The following PCDHA2 variants were observed in gnomAD, a reference collection of about 807,000 sequenced individuals.
PCDHA2 encodes the protein protocadherin alpha-2.
A neutral mutation model predicts 66.0 loss-of-function variants in PCDHA2; 58 were observed. The observed-to-expected ratio is 0.88, with a 90% CI of 0.71 to 1.09. The LOEUF (loss-of-function observed/expected upper bound fraction) is 1.09, where lower values mean the gene tolerates loss of function less well. Among genes scored for constraint, PCDHA2 ranks in the 50% least tolerant of loss-of-function variants. The pLI is 0.00. For missense variants in PCDHA2, 1,267 were observed against 1,242.3 expected, an observed-to-expected ratio of 1.02 and a Z score of -0.30; for synonymous variants, 634 against 554.0, an observed-to-expected ratio of 1.14 and a Z score of -2.03.
chr5:140,889,034 T>A (rs1554183750), intron 1 of PCDHA2, among the ~76,000 whole-genome samples: 4 of 152,080 alleles, frequency 2.6e-5, no homozygotes, highest in Non-Finnish European at 5.9e-5. Flanking sequence ...TAACCGTAAT[T>A]TGATTATAAT....
At chr5:140,836,216 G>A in intron 1 of PCDHA2, 1 of 1,613,840 alleles carries the variant, frequency 6.2e-7, no homozygotes, top group Non-Finnish European at 8.5e-7. Flanking sequence ...CGTATGAGTT[G>A]CAACCGGTGG....
Position 140,828,616 on chromosome 5 carries a change from C to A in PCDHA2, c.2388+31264C>A, listed in dbSNP as rs2150157391. 16 of 1,614,024 alleles carry A rather than the reference C, an allele frequency of 9.9e-6. No homozygotes were observed. The African/African-American group carries it at 1.3e-4, about 13-fold the overall frequency. ...TCTTAACCTATAAACTCAGTTCTAG[C>A]GAATACTTCGGGCTAGATGTGAAAA... is the stretch of plus-strand genomic sequence containing the variant. On this transcript the variant is annotated intron_variant, in intron 1 of 3. Transcript: ENST00000526136.
intron 1 of PCDHA2, chr5:140,822,039 G>C (rs2150113101): frequency 1.2e-6 from 2 of 1,614,106 alleles, no homozygotes; most frequent in African/African-American, 2.7e-5. Flanking sequence ...TGAATTCTCG[G>C]ATCGACCGGG....
At position 140,857,876 on chromosome 5, in the gene PCDHA2, T is replaced by C. The variant is rs2044975773; in HGVS notation, c.2388+60524T>C. ...ATACAACGCGTGGCTGTCGTATGAATTGCAGTCGGCGGCGGTTGGTGCACG... is the reference window on the plus strand; with the variant it reads ...ATACAACGCGTGGCTGTCGTATGAACTGCAGTCGGCGGCGGTTGGTGCACG... On this transcript the variant is annotated intron_variant, in intron 1 of 3. Coordinates refer to ENST00000526136, the MANE Select transcript of PCDHA2 (RefSeq NM_018905.3). 3.1e-6 allele frequency: 5 copies of C among 1,597,774 alleles called. 1 individual carries two copies. Among genetic ancestry groups the C allele is most frequent in the East Asian group, 2.2e-5 (1 of 44,820 alleles).
intron 1 of PCDHA2, chr5:140,857,535 G>A (rs1413308998): frequency 1.9e-6 from 3 of 1,597,418 alleles, no homozygotes; most frequent in Non-Finnish European, 2.6e-6. Flanking sequence ...CTGGTGGAGC[G>A]GCGGTTGGGC....
intron 1 of PCDHA2, among the ~76,000 whole-genome samples, chr5:140,941,026 C>T (rs1330663914): frequency 6.6e-6 from 1 of 152,066 alleles, no homozygotes; most frequent in Admixed American, 6.5e-5. Flanking sequence ...TTCCTTCTGG[C>T]CTTTTTGGTG....
At chr5:140,877,627 A>G (rs782765998) in intron 1 of PCDHA2, 3 of 1,613,732 alleles carry the variant, frequency 1.9e-6, no homozygotes, top group Admixed American at 3.3e-5. Context: ...GCTGCTGTAC[A>G]CTGCGCTGCG....
At chr5:141,005,490 TC>T (rs1451220963) in intron 3 of PCDHA2, among the ~76,000 whole-genome samples, 1 of 151,242 alleles carries the variant, frequency 6.6e-6, no homozygotes. Flanking sequence ...GATCATGAGG[TC>T]AGGAGATCGA....
At chr5:140,883,040 G>A (rs994931084) in intron 1 of PCDHA2, 1 of 1,614,062 alleles carries the variant, frequency 6.2e-7, no homozygotes, top group Non-Finnish European at 8.5e-7. Flanking sequence ...CGCCTTCAAT[G>A]GAACATTAGT....
chr5:140,927,418 C>T (rs1296760547), intron 1 of PCDHA2: 3 of 1,614,106 alleles, frequency 1.9e-6, no homozygotes, highest in Admixed American at 1.7e-5. Flanking sequence ...CATGGGATCG[C>T]GGGTTGACGG....
intron 1 of PCDHA2, among the ~76,000 whole-genome samples, chr5:140,974,134 C>T (rs1212348196): frequency 1.3e-5 from 2 of 152,290 alleles, no homozygotes; most frequent in East Asian, 1.9e-4. Flanking sequence ...AATCTGCTAA[C>T]CTGAAAACTA....
At chr5:140,871,293 G>T (rs1206433527) in intron 1 of PCDHA2, 5 of 1,613,794 alleles carry the variant, frequency 3.1e-6, no homozygotes, top group Admixed American at 1.7e-5. Flanking sequence ...CTGAGGGCGC[G>T]TGCGCGCCGG....
chr5:140,972,505 T>C (rs2096539361), intron 1 of PCDHA2, among the ~76,000 whole-genome samples: 1 of 152,100 alleles, frequency 6.6e-6, no homozygotes, highest in African/African-American at 2.4e-5. Flanking sequence ...GTTGGTAGAT[T>C]TTACCCCCAG....
intron 1 of PCDHA2, among the ~76,000 whole-genome samples, chr5:140,912,343 ATTTTT>A (rs35252606): frequency 7.0e-6 from 1 of 143,858 alleles, no homozygotes; most frequent in Non-Finnish European, 1.5e-5. Context: ...TACACTAAGT[ATTTTT>A]TTTTTTTTTT....
rs138450064 is a variant in PCDHA2, at chr5:140,818,961, A to G, written c.2388+21609A>G. Among the ~76,000 whole-genome samples, 26 of 152,350 alleles carry G rather than the reference A, an allele frequency of 1.7e-4. No individual in the cohort carries two copies. In the East Asian group the frequency reaches 4.6e-3, roughly 27 times the overall value. Reference sequence around the variant, plus strand: ...CATGAACATTGATATTCACTATCTCAGGGATATGTTAGAACTATTCTCATA... The same window carrying G: ...CATGAACATTGATATTCACTATCTCGGGGATATGTTAGAACTATTCTCATA... On this transcript the variant is annotated intron_variant, in intron 1 of 3. Coordinates refer to ENST00000526136, the MANE Select transcript of PCDHA2 (RefSeq NM_018905.3).
In PCDHA2 at chr5:140,795,536, CTTT is replaced by C. The variant is rs1554119482; in HGVS notation, c.573_575del (p.Leu192del). 6.2e-6 allele frequency: 10 copies of C among 1,614,056 alleles called. No individual in the cohort carries two copies. The South Asian group carries it at 1.1e-4, about 18-fold the overall frequency. On this transcript the variant is annotated inframe_deletion, in exon 1 of 4. Transcript: ENST00000526136. The stretch of plus-strand genomic sequence containing the variant: ...CAGGCAAATGATGAACTAAGCGAAT[CTTT>C]GTCTCTCGTGCTGGGGAAATCGCTG...
intron 1 of PCDHA2, chr5:140,828,088 T>A (rs2150150812): frequency 6.3e-7 from 1 of 1,592,494 alleles, no homozygotes; most frequent in Non-Finnish European, 8.6e-7. Context: ...CAGAGGTATT[T>A]GACATGGTGT....
At chr5:140,838,077 AGTGTGTGTGTG>A (rs1775481751) in intron 1 of PCDHA2, among the ~76,000 whole-genome samples, 1 of 80,664 alleles carries the variant, frequency 1.2e-5, no homozygotes, top group East Asian at 3.3e-4. Context: ...ATATATATAT[AGTGTGTGTGTG>A]TGTGTGTGTG....
chr5:140,881,494 A>G (rs1483226847), intron 1 of PCDHA2: 1 of 293,548 alleles, frequency 3.4e-6, no homozygotes, highest in African/African-American at 2.3e-5. Flanking sequence ...GTTTATGCAC[A>G]TACACACACT....
Sources: allele counts gnomAD v4.1 joint callset (sites outside exome capture counted in the v4.1 genomes callset), GRCh38; gene constraint gnomAD v4.1.1; transcripts MANE v1.5; gene names NCBI Gene and HGNC (gene_info 2026-07-23, HGNC 2026-07-21).